Variants in CNBD1 observed in about 807,000 individuals in gnomAD.
CNBD1 encodes cyclic nucleotide binding domain containing 1, also known as cyclic nucleotide-binding domain-containing protein 1.
A neutral mutation model predicts 54.4 loss-of-function variants in CNBD1; 71 were observed. The ratio of observed to expected loss-of-function variants is 1.30; its 90% CI spans 1.08 to 1.59. The LOEUF is 1.59. CNBD1 is among the 40% of genes most tolerant of loss of function. The probability of loss-of-function intolerance (pLI) is 0.00; values close to 1 mark genes in which losing one functional copy is unlikely to be tolerated. For missense variants in CNBD1, 659 were observed against 518.0 expected, an observed-to-expected ratio of 1.27 and a Z score of -2.64; for synonymous variants, 182 against 170.7, an observed-to-expected ratio of 1.07 and a Z score of -0.51.
intron 8 of CNBD1, among the ~76,000 whole-genome samples, chr8:87,334,509 G>T (rs1281843817): frequency 6.6e-6 from 1 of 151,844 alleles, no homozygotes; most frequent in East Asian, 1.9e-4. Flanking sequence ...TCCGATGTGG[G>T]CATTTAGTGC....
intron 10 of CNBD1, among the ~76,000 whole-genome samples, chr8:87,379,054 G>C (rs1364590534): frequency 6.6e-6 from 1 of 150,788 alleles, no homozygotes; most frequent in Non-Finnish European, 1.5e-5. Flanking sequence ...GAGATTTGGG[G>C]CTGAGACAAT....
chr8:87,389,829 G>A (rs111589353), intron 2 of CNBD1, among the ~76,000 whole-genome samples: 15,941 of 152,052 alleles, frequency 0.1, 850 homozygotes, highest in African/African-American at 0.13. Flanking sequence ...GAGGCATCAC[G>A]CTACCTGACT....
At chr8:87,268,846 T>A (rs1415298878) in intron 6 of CNBD1, among the ~76,000 whole-genome samples, 2 of 152,118 alleles carry the variant, frequency 1.3e-5, no homozygotes, top group African/African-American at 4.8e-5. Flanking sequence ...GCATAGCTTA[T>A]GAATATTTTC....
intron 4 of CNBD1, among the ~76,000 whole-genome samples, chr8:87,018,689 T>A (rs1809417930): frequency 1.3e-5 from 2 of 152,108 alleles, no homozygotes; most frequent in Admixed American, 1.3e-4. Flanking sequence ...GATACAAATC[T>A]CCCTCATTTG....
At chr8:87,370,799 G>C (rs1175673607) in intron 10 of CNBD1, among the ~76,000 whole-genome samples, 8 of 149,404 alleles carry the variant, frequency 5.4e-5, no homozygotes, top group African/African-American at 7.5e-5. Context: ...TGAAGTCCTT[G>C]CCCATGCCTA....
chr8:87,318,483 C>A (rs748715803), intron 8 of CNBD1, among the ~76,000 whole-genome samples: 5 of 152,152 alleles, frequency 3.3e-5, no homozygotes, highest in Non-Finnish European at 7.4e-5. Context: ...CTGTCCAATA[C>A]ACCATACGTT....
intron 4 of CNBD1, among the ~76,000 whole-genome samples, chr8:87,101,360 C>T (rs1012671651): frequency 1.3e-5 from 2 of 151,692 alleles, no homozygotes; most frequent in Non-Finnish European, 2.9e-5. Context: ...AATGGAAATT[C>T]TAGAATTAAA....
At chr8:86,954,555 T>G (rs1345325045) in intron 4 of CNBD1, among the ~76,000 whole-genome samples, 1 of 129,440 alleles carries the variant, frequency 7.7e-6, no homozygotes, top group Non-Finnish European at 1.6e-5. Context: ...TTTAATCCTC[T>G]GAACGAGATG....
chr8:87,242,104 A>G (rs915391446), intron 6 of CNBD1, among the ~76,000 whole-genome samples: 1 of 152,198 alleles, frequency 6.6e-6, no homozygotes, highest in Non-Finnish European at 1.5e-5. Context: ...GTTAAAACAG[A>G]GACCTTAAGA....
intron 4 of CNBD1, among the ~76,000 whole-genome samples, chr8:87,104,678 G>A (rs917280465): frequency 6.6e-6 from 1 of 152,262 alleles, no homozygotes; most frequent in African/African-American, 2.4e-5. Context: ...CTTGGTATCT[G>A]GTCCATAGTA....
intron 4 of CNBD1, among the ~76,000 whole-genome samples, chr8:87,176,009 G>C (rs1323834408): frequency 6.6e-6 from 1 of 152,188 alleles, no homozygotes; most frequent in Non-Finnish European, 1.5e-5. Flanking sequence ...GCAGCACTGA[G>C]TTTAATGCAA....
intron 4 of CNBD1, among the ~76,000 whole-genome samples, chr8:86,980,207 A>G (rs1489718883): frequency 6.6e-6 from 1 of 152,188 alleles, no homozygotes; most frequent in African/African-American, 2.4e-5. Context: ...TCAGTGACTA[A>G]TATGGTGAGT....
chr8:87,021,369 C>T (rs753576010), intron 4 of CNBD1, among the ~76,000 whole-genome samples: 2 of 151,976 alleles, frequency 1.3e-5, no homozygotes, highest in East Asian at 1.9e-4. Context: ...TTCTATTATC[C>T]TATTATATTT....
At chr8:87,311,592 T>A (rs570448667) in intron 8 of CNBD1, among the ~76,000 whole-genome samples, 2 of 152,182 alleles carry the variant, frequency 1.3e-5, no homozygotes, top group Non-Finnish European at 2.9e-5. Context: ...ATCCAATTAT[T>A]GAGTATATAT....
chr8:86,974,380 C>T (rs1226267972), intron 4 of CNBD1, among the ~76,000 whole-genome samples: 4 of 152,016 alleles, frequency 2.6e-5, no homozygotes, highest in Admixed American at 6.6e-5. Flanking sequence ...TTATAATTCA[C>T]CCTTATGCCT....
intron 8 of CNBD1, among the ~76,000 whole-genome samples, chr8:87,340,865 C>T (rs1310544401): frequency 6.6e-6 from 1 of 151,866 alleles, no homozygotes; most frequent in Non-Finnish European, 1.5e-5. Context: ...TTGGGTAACT[C>T]CTATACCGCC....
intron 4 of CNBD1, among the ~76,000 whole-genome samples, chr8:87,028,489 A>G (rs1197330717): frequency 1.3e-5 from 2 of 152,240 alleles, no homozygotes; most frequent in Non-Finnish European, 1.5e-5. Flanking sequence ...CAGAAGGCCA[A>G]TCACTGAGAC....
chr8:86,975,751 G>C (rs553395175), intron 4 of CNBD1, among the ~76,000 whole-genome samples: 17 of 152,076 alleles, frequency 1.1e-4, no homozygotes, highest in African/African-American at 3.6e-4. Context: ...ACTCAAAAGT[G>C]GGATTGCTGG....
intron 4 of CNBD1, among the ~76,000 whole-genome samples, chr8:87,193,718 A>G (rs1348221233): frequency 1.3e-5 from 2 of 152,114 alleles, no homozygotes; most frequent in Non-Finnish European, 2.9e-5. Context: ...AGAACAGGGA[A>G]CTGTCTTAAC....
Sources: allele counts gnomAD v4.1 joint callset (sites outside exome capture counted in the v4.1 genomes callset), GRCh38; gene constraint gnomAD v4.1.1; transcripts MANE v1.5; gene names NCBI Gene and HGNC (gene_info 2026-07-23, HGNC 2026-07-21).